The following TMEM273 variants were observed in gnomAD, a reference collection of about 807,000 sequenced individuals.
TMEM273 encodes chromosome 10 open reading frame 128.
Under a neutral mutation model 17.9 loss-of-function variants are expected in TMEM273, and 19 were observed. The ratio of observed to expected loss-of-function variants is 1.06; its 90% CI spans 0.74 to 1.55. TMEM273 has a LOEUF of 1.55. Among genes scored for constraint, TMEM273 ranks in the 40% most tolerant of loss-of-function variants. The pLI is 0.00. For missense variants in TMEM273, 194 were observed against 155.6 expected, an observed-to-expected ratio of 1.25 and a Z score of -1.31; for synonymous variants, 66 against 62.0, an observed-to-expected ratio of 1.07 and a Z score of -0.31.
At chr10:49,178,984 G>T (rs182052607) in intron 1 of TMEM273, among the ~76,000 whole-genome samples, 1 of 152,166 alleles carries the variant, frequency 6.6e-6, no homozygotes, top group African/African-American at 2.4e-5. Flanking sequence ...GTGACTTCTC[G>T]ATAACATGGC....
At chr10:49,168,037 T>C (rs1407512301) in intron 1 of TMEM273, 75 bp from the exon 2 acceptor site, 26 of 1,580,228 alleles carry the variant, frequency 1.6e-5, no homozygotes, top group South Asian at 2.2e-5. Flanking sequence ...CTCAGAGGCC[T>C]GGGAAAGCCT....
At chr10:49,165,860 A>G in intron 3 of TMEM273, 64 bp from the exon 4 acceptor site, 1 of 1,602,532 alleles carries the variant, frequency 6.2e-7, no homozygotes, top group Non-Finnish European at 8.5e-7. Flanking sequence ...AGCATTCCCT[A>G]GAGCTTTCAC....
chr10:49,166,659 GAGAGACAGAGAGAGAT>G, intron 3 of TMEM273, 194 bp downstream of exon 3: 1 of 640,634 alleles, frequency 1.6e-6, no homozygotes, highest in Non-Finnish European at 2.7e-6. Context: ...AACACAAATA[GAGAGACAGAGAGAGAT>G]AGAGACAGAA....
intron 5 of TMEM273, 87 bp from the exon 6 acceptor site, chr10:49,161,709 C>CTTGTCA (rs1164961576): frequency 1.3e-6 from 2 of 1,547,318 alleles, no homozygotes; most frequent in Admixed American, 3.3e-5. Flanking sequence ...GAGTGGCTTG[C>CTTGTCA]TTGTCATTAG....
intron 1 of TMEM273, among the ~76,000 whole-genome samples, chr10:49,170,046 C>G (rs998116439): frequency 1.3e-5 from 2 of 152,236 alleles, no homozygotes; most frequent in Non-Finnish European, 2.9e-5. Context: ...CCCATCCTCC[C>G]TTGGTGGGCA....
intron 1 of TMEM273, among the ~76,000 whole-genome samples, chr10:49,172,565 G>A (rs1846648656): frequency 6.6e-6 from 1 of 152,184 alleles, no homozygotes; most frequent in South Asian, 2.1e-4. Flanking sequence ...CTCTCTGTGG[G>A]GATCTGAGAC....
chr10:49,185,308 A>C (rs940052621), intron 1 of TMEM273, among the ~76,000 whole-genome samples: 4 of 152,198 alleles, frequency 2.6e-5, no homozygotes, highest in African/African-American at 9.7e-5. Flanking sequence ...GTGTGTGGGA[A>C]AGACTGGCCT....
At chr10:49,164,301 C>T (rs1846025784) in intron 5 of TMEM273, among the ~76,000 whole-genome samples, 1 of 152,156 alleles carries the variant, frequency 6.6e-6, no homozygotes, top group Admixed American at 6.5e-5. Flanking sequence ...GTCCCTCATC[C>T]CAGGTCCCTG....
intron 3 of TMEM273, 48 bp from the exon 4 acceptor site, chr10:49,165,844 G>C (rs777852122): frequency 6.2e-7 from 1 of 1,611,332 alleles, no homozygotes. Context: ...GTGACAAGAG[G>C]TGCAGAGCAT....
At chr10:49,160,076 G>T (rs1590181510) in intron 6 of TMEM273, among the ~76,000 whole-genome samples, 1 of 152,176 alleles carries the variant, frequency 6.6e-6, no homozygotes, top group Non-Finnish European at 1.5e-5. Context: ...AGAAATGCTG[G>T]AATTAGAAAG....
chr10:49,173,869 C>G (rs961186465), intron 1 of TMEM273, among the ~76,000 whole-genome samples: 1 of 152,100 alleles, frequency 6.6e-6, no homozygotes, highest in Non-Finnish European at 1.5e-5. Context: ...CAAGGGGGGG[C>G]GATAGCGTTT....
At chr10:49,160,884 T>C (rs1433025673) in intron 6 of TMEM273, 2 of 152,028 alleles carry the variant, frequency 1.3e-5, no homozygotes, top group African/African-American at 2.4e-5. Context: ...GATTTGAAAA[T>C]TTTTCATAAA....
intron 6 of TMEM273, chr10:49,161,108 C>T (rs569242261): frequency 6.3e-6 from 1 of 158,820 alleles, no homozygotes; most frequent in East Asian, 1.8e-4. Flanking sequence ...CTCATTCAAT[C>T]AGGGGTCCGA....
At chr10:49,162,330 A>T (rs952970725) in intron 5 of TMEM273, among the ~76,000 whole-genome samples, 1 of 152,180 alleles carries the variant, frequency 6.6e-6, no homozygotes, top group Non-Finnish European at 1.5e-5. Context: ...AAATGCACAC[A>T]CACATATAGA....
At chr10:49,170,282 C>T (rs1846472923) in intron 1 of TMEM273, among the ~76,000 whole-genome samples, 1 of 152,156 alleles carries the variant, frequency 6.6e-6, no homozygotes, top group Non-Finnish European at 1.5e-5. Flanking sequence ...CCAGCCCTGG[C>T]CTTGGTTTCT....
Position 49,166,911 on chromosome 10 carries a change from C to G in TMEM273, c.196G>C (p.Asp66His), listed in dbSNP as rs763388407. 6.2e-7 allele frequency: 1 copy of G among 1,613,934 alleles called. No individual in the cohort carries two copies. Among genetic ancestry groups the G allele is most frequent in the African/African-American group, 1.3e-5 (1 of 74,910 alleles). The change falls in exon 3 of 7, where the codon GAC (aspartate) becomes CAC (histidine). Residue 66 changes from aspartate (D) to histidine (H), a missense_variant. Coordinates refer to ENST00000374153, the MANE Select transcript of TMEM273 (RefSeq NM_001288740.3). ...ICMIRRHLFD[D>H]DSSDLKSTPG... ...GTGCTTTTCAGGTCGGAAGAGTCGT[C>G]GTCAAATAAGTGCCTCCTGATCATG...
intron 2 of TMEM273, among the ~76,000 whole-genome samples, chr10:49,167,467 G>A (rs1365052122): frequency 1.3e-5 from 2 of 152,258 alleles, no homozygotes; most frequent in African/African-American, 4.8e-5. Flanking sequence ...TGACGGGAGA[G>A]GCTGGGTTGG....
At chr10:49,180,486 A>G (rs1408249205) in intron 1 of TMEM273, among the ~76,000 whole-genome samples, 1 of 152,170 alleles carries the variant, frequency 6.6e-6, no homozygotes, top group Non-Finnish European at 1.5e-5. Context: ...CCCCCCTAGC[A>G]ATTATGAGGA....
intron 1 of TMEM273, among the ~76,000 whole-genome samples, chr10:49,183,649 A>G (rs893235595): frequency 1.3e-5 from 2 of 152,184 alleles, no homozygotes; most frequent in African/African-American, 4.8e-5. Context: ...TTGAATCCCA[A>G]CTGGGCCACT....
Sources: allele counts gnomAD v4.1 joint callset (sites outside exome capture counted in the v4.1 genomes callset), GRCh38; gene constraint gnomAD v4.1.1; transcripts MANE v1.5; gene names NCBI Gene and HGNC (gene_info 2026-07-23, HGNC 2026-07-21).